CRTAC1: variants seen among roughly 807,000 people sequenced by gnomAD.
The protein encoded by CRTAC1 is acidic secreted protein in cartilage.
CRTAC1 carries 37 observed loss-of-function variants against 67.8 expected under a neutral mutation model. The observed-to-expected ratio is 0.55, with a 90% CI of 0.42 to 0.72. The LOEUF is 0.72. CRTAC1 is among the 30% of genes least tolerant of loss of function. The pLI is 0.00. For synonymous variants in CRTAC1, 348 were observed against 371.0 expected (o/e 0.94, Z 0.71); for missense variants, 780 against 931.6 (o/e 0.84, Z 2.12).
At chr10:98,014,800 A>T (rs1842965887) in intron 1 of CRTAC1, among the ~76,000 whole-genome samples, 1 of 152,234 alleles carries the variant, frequency 6.6e-6, no homozygotes, top group Non-Finnish European at 1.5e-5. Context: ...ACAGAAAAAA[A>T]GTGTTGGTGA....
At chr10:97,908,537 C>T (rs1443647321) in intron 5 of CRTAC1, among the ~76,000 whole-genome samples, 5 of 152,240 alleles carry the variant, frequency 3.3e-5, no homozygotes, top group Non-Finnish European at 7.3e-5. Context: ...CCGACTCTCA[C>T]TTTGAGTGAT....
chr10:97,871,528 T>C (rs904161824), intron 14 of CRTAC1: 1 of 152,248 alleles, frequency 6.6e-6, no homozygotes, highest in African/African-American at 2.4e-5. Flanking sequence ...TAAACAGATA[T>C]TTATCCAAGG....
chr10:97,865,984 G>T, intron 14 of CRTAC1: 1 of 447,874 alleles, frequency 2.2e-6, no homozygotes, highest in Admixed American at 3.8e-5. Context: ...AGGAAGGCTG[G>T]GGTGGGGAGA....
At chr10:97,979,837 A>G (rs1456661223) in intron 2 of CRTAC1, among the ~76,000 whole-genome samples, 1 of 152,180 alleles carries the variant, frequency 6.6e-6, no homozygotes, top group African/African-American at 2.4e-5. Context: ...GGGGCTGAGA[A>G]GCACTGCAGT....
chr10:97,931,517 C>G (rs1221090914), intron 3 of CRTAC1, among the ~76,000 whole-genome samples: 3 of 152,194 alleles, frequency 2.0e-5, no homozygotes, highest in Non-Finnish European at 2.9e-5. Context: ...TGAGAAAGCT[C>G]TCTGTGTACT....
chr10:97,947,493 G>T (rs776328516), intron 2 of CRTAC1, among the ~76,000 whole-genome samples: 11 of 152,234 alleles, frequency 7.2e-5, no homozygotes, highest in Non-Finnish European at 1.3e-4. Flanking sequence ...AGGGAATACG[G>T]GGTAGACTAG....
At position 98,026,640 on chromosome 10, in the gene CRTAC1, C is replaced by T. The variant is rs1319873905; in HGVS notation, c.24+3809G>A. On this transcript the variant is annotated intron_variant, in intron 1 of 14. Coordinates refer to ENST00000370597, the MANE Select transcript of CRTAC1 (RefSeq NM_018058.7). ...CCACGTGATCCTGCACCTCCCTCCT[C>T]CCGCTGAAGATGAAGCTCCAACTTC... 2.0e-5 allele frequency among the ~76,000 whole-genome samples: 3 copies of T among 152,228 alleles called. No individual in the cohort carries two copies. In the East Asian group the frequency reaches 5.8e-4, roughly 30 times the overall value.
chr10:97,871,252 G>A (rs1450410729), intron 14 of CRTAC1: 8 of 152,186 alleles, frequency 5.3e-5, no homozygotes, highest in Non-Finnish European at 1.2e-4. Context: ...CTGGAGCTGC[G>A]TCGGGTTTTG....
chr10:97,946,196 T>G (rs952409817), intron 2 of CRTAC1, among the ~76,000 whole-genome samples: 1 of 152,242 alleles, frequency 6.6e-6, no homozygotes, highest in Non-Finnish European at 1.5e-5. Flanking sequence ...AGATGGAGGC[T>G]GTGTTAATCA....
chr10:97,990,843 T>C (rs989000772), intron 2 of CRTAC1, among the ~76,000 whole-genome samples: 13 of 152,162 alleles, frequency 8.5e-5, no homozygotes, highest in African/African-American at 3.1e-4. Flanking sequence ...CATTGATTCA[T>C]AGGAAACTAA....
At chr10:98,020,881 T>C (rs1843104532) in intron 1 of CRTAC1, among the ~76,000 whole-genome samples, 1 of 152,016 alleles carries the variant, frequency 6.6e-6, no homozygotes, top group African/African-American at 2.4e-5. Context: ...TGGAGTGGTG[T>C]GTTAGAAGGA....
Position 98,011,314 on chromosome 10 carries a change from C to T in CRTAC1, c.48G>A (p.Leu16=). The T allele has an allele frequency of 6.2e-7, 1 of 1,614,078 alleles. No individual in the cohort carries two copies. The highest frequency in any genetic ancestry group is 8.5e-7 in the Non-Finnish European group (1 of 1,180,038). Residue 16 remains leucine, a synonymous_variant, in exon 2 of 15, where the codon CTG becomes CTA. Coordinates refer to ENST00000370597, the MANE Select transcript of CRTAC1 (RefSeq NM_018058.7). The part of the protein sequence containing the change: ...DPGMSRMLPF[L]LLLWFLPITE... Reference sequence around the variant, plus strand: ...TGATGGGCAGAAACCAGAGCAGCAGCAGGAACGGTAACATCCTGGACATCT... The same window carrying T: ...TGATGGGCAGAAACCAGAGCAGCAGTAGGAACGGTAACATCCTGGACATCT...
intron 3 of CRTAC1, among the ~76,000 whole-genome samples, chr10:97,934,602 G>C (rs1277451129): frequency 1.3e-5 from 2 of 152,294 alleles, no homozygotes; most frequent in African/African-American, 4.8e-5. Context: ...TAATGTCGTG[G>C]CTCAGGGGAA....
intron 5 of CRTAC1, among the ~76,000 whole-genome samples, chr10:97,913,037 C>T (rs190664249): frequency 5.3e-4 from 80 of 152,128 alleles, no homozygotes; most frequent in African/African-American, 1.7e-3. Flanking sequence ...TGCCATGATT[C>T]GCAGGCTGCC....
intron 5 of CRTAC1, among the ~76,000 whole-genome samples, chr10:97,916,341 C>T (rs925761026): frequency 1.3e-5 from 2 of 152,184 alleles, no homozygotes; most frequent in Non-Finnish European, 2.9e-5. Flanking sequence ...TACCTTCACG[C>T]GCGGAGCTCT....
rs35853031 is a variant in CRTAC1 at position 97,908,106 on chromosome 10, C to T, written c.757G>A (p.Ala253Thr). The T allele has an allele frequency of 1.0e-4, 167 of 1,614,152 alleles. 1 individual carries two copies. In the African/African-American group the frequency reaches 2.0e-3, roughly 20 times the overall value. ...VSVGPILSSS[A>T]SDIFCDNENG... ...TCATTGTCGCAGAAGATATCCGAGG[C>T]ACTGCTGCTGAGGATGGGGCCCACG... The change falls in exon 6 of 15, where the codon GCC (alanine) becomes ACC (threonine). Residue 253 changes from alanine (A) to threonine (T), a missense_variant. By Grantham distance (58) the Ala-to-Thr change is moderately conservative. Coordinates refer to ENST00000370597, the MANE Select transcript of CRTAC1 (RefSeq NM_018058.7).
At chr10:97,923,539 A>C in intron 3 of CRTAC1, 139 bp from the exon 4 acceptor site, 1 of 960,004 alleles carries the variant, frequency 1.0e-6, no homozygotes, top group Non-Finnish European at 1.6e-6. Flanking sequence ...GGAAGACCTC[A>C]AGCAGGTGAG....
chr10:97,972,043 C>T, intron 2 of CRTAC1, among the ~76,000 whole-genome samples: 1 of 152,178 alleles, frequency 6.6e-6, no homozygotes, highest in Non-Finnish European at 1.5e-5. Flanking sequence ...CTTGTTTCTA[C>T]TGGCAGACAT....
At chr10:97,884,960 T>A (rs1359030079) in intron 11 of CRTAC1, among the ~76,000 whole-genome samples, 1 of 152,254 alleles carries the variant, frequency 6.6e-6, no homozygotes, top group Non-Finnish European at 1.5e-5. Context: ...GCTTCTTGTG[T>A]TTCTATTTAT....
Sources: allele counts gnomAD v4.1 joint callset (sites outside exome capture counted in the v4.1 genomes callset), GRCh38; gene constraint gnomAD v4.1.1; transcripts MANE v1.5; gene names NCBI Gene and HGNC (gene_info 2026-07-23, HGNC 2026-07-21).